The following LRP1B variants were observed in gnomAD, a reference collection of about 807,000 sequenced individuals.
The protein encoded by LRP1B is low-density lipoprotein receptor-related protein 1B.
LRP1B carries 217 observed loss-of-function variants against 556.6 expected under a neutral mutation model. That is an observed-to-expected ratio of 0.39 (90% CI 0.35 to 0.44). LRP1B has a LOEUF of 0.44. Among genes scored for constraint, LRP1B ranks in the 20% least tolerant of loss-of-function variants. The pLI, the probability that LRP1B is intolerant of heterozygous loss-of-function variation, is 1.00. For missense variants in LRP1B, 5,053 were observed against 5,620.8 expected (o/e 0.90, Z 3.23); for synonymous variants, 2,047 against 1,865.8 (o/e 1.10, Z -2.50).
In LRP1B at chr2:140,770,862, G is replaced by T. The variant is rs760529489; in HGVS notation, c.5626+19C>A. 4.6e-6 allele frequency: 7 copies of T among 1,531,464 alleles called. No individual in the cohort carries two copies. Among genetic ancestry groups the T allele is most frequent in the Non-Finnish European group, 5.2e-6 (6 of 1,146,716 alleles). The allele number at this position is 1,531,464 out of a possible 1,614,324, so 94.9% of individuals were successfully genotyped here. On this transcript the variant is annotated intron_variant, in intron 34 of 90. Coordinates refer to ENST00000389484, the MANE Select transcript of LRP1B (RefSeq NM_018557.3). ...GTGAAGTAAATGAACCAGAGGTAAG[G>T]TTTTTCATGAACTCATACCTTGACA...
chr2:140,812,553 T>G (rs948231372), intron 32 of LRP1B, among the ~76,000 whole-genome samples: 1 of 151,816 alleles, frequency 6.6e-6, no homozygotes, highest in Non-Finnish European at 1.5e-5. Flanking sequence ...TGTTTACTTA[T>G]TAACATATAC....
chr2:141,833,468 C>A (rs994824282), intron 1 of LRP1B, among the ~76,000 whole-genome samples: 1 of 151,582 alleles, frequency 6.6e-6, no homozygotes, highest in Non-Finnish European at 1.5e-5. Context: ...ATGAATATTG[C>A]AGGGAAAAGA....
At chr2:140,435,426 T>C (rs934152364) in intron 66 of LRP1B, among the ~76,000 whole-genome samples, 3 of 152,180 alleles carry the variant, frequency 2.0e-5, no homozygotes, top group African/African-American at 7.2e-5. Flanking sequence ...CCTGACTCAA[T>C]TCCTTTTAAA....
At chr2:141,161,138 A>G (rs1680015313) in intron 7 of LRP1B, among the ~76,000 whole-genome samples, 1 of 152,144 alleles carries the variant, frequency 6.6e-6, no homozygotes, top group Non-Finnish European at 1.5e-5. Flanking sequence ...CTAAAATAGA[A>G]GAAAATTAGT....
chr2:140,849,724 A>C (rs1036980571), intron 29 of LRP1B, among the ~76,000 whole-genome samples: 3 of 152,034 alleles, frequency 2.0e-5, no homozygotes, highest in African/African-American at 7.2e-5. Context: ...TTTTTAGTAG[A>C]GACAGGGTTT....
intron 3 of LRP1B, among the ~76,000 whole-genome samples, chr2:141,441,129 T>G (rs540526784): frequency 6.6e-6 from 1 of 152,276 alleles, no homozygotes; most frequent in East Asian, 1.9e-4. Context: ...TAGGCTATAG[T>G]GCAATGGTAC....
intron 21 of LRP1B, among the ~76,000 whole-genome samples, chr2:140,914,492 A>G (rs1694516595): frequency 6.6e-6 from 1 of 152,116 alleles, no homozygotes; most frequent in African/African-American, 2.4e-5. Context: ...ATGCATCGGG[A>G]AAAAATGGGT....
At chr2:140,718,650 G>T (rs990502301) in intron 35 of LRP1B, among the ~76,000 whole-genome samples, 2 of 151,842 alleles carry the variant, frequency 1.3e-5, no homozygotes, top group African/African-American at 4.8e-5. Context: ...ATTTCTCTCC[G>T]CTGTCTCGCA....
chr2:140,976,939 G>C (rs559072390), intron 18 of LRP1B, among the ~76,000 whole-genome samples: 1 of 152,262 alleles, frequency 6.6e-6, no homozygotes, highest in Non-Finnish European at 1.5e-5. Flanking sequence ...ACTATAATGA[G>C]ATACTTGGAA....
At chr2:141,158,810 C>G (rs191180888) in intron 7 of LRP1B, among the ~76,000 whole-genome samples, 1 of 152,084 alleles carries the variant, frequency 6.6e-6, no homozygotes, top group Non-Finnish European at 1.5e-5. Flanking sequence ...ATTTTGAGTG[C>G]CAGCTCCTCA....
Position 140,511,292 on chromosome 2 carries a change from C to CTTTTTT in LRP1B, c.8270-1242_8270-1237dup, listed in dbSNP as rs70985101. ...TATCAAAATACAATCCTCTAAGGGT[C>CTTTTTT]TTTTTTTTTTTTTTTTTTTTTTTTT... is the stretch of plus-strand genomic sequence containing the variant. On this transcript the variant is annotated intron_variant, in intron 51 of 90. Transcript: ENST00000389484. 6.8e-4 allele frequency among the ~76,000 whole-genome samples: 40 copies of CTTTTTT among 58,458 alleles called. 10 individuals are homozygous for CTTTTTT. Among genetic ancestry groups the CTTTTTT allele is most frequent in the African/African-American group, 2.5e-3 (36 of 14,238 alleles). The allele number at this position is 58,458 out of a possible 152,430, so 38.4% of individuals were successfully genotyped here. A position where few individuals can be genotyped will look rare whatever the true frequency, so the allele number is the denominator to read the frequency against.
At chr2:141,184,713 C>T (rs955777098) in intron 7 of LRP1B, among the ~76,000 whole-genome samples, 2 of 151,070 alleles carry the variant, frequency 1.3e-5, no homozygotes, top group African/African-American at 4.9e-5. Flanking sequence ...ATCAATATGT[C>T]TTTTATTATA....
intron 41 of LRP1B, among the ~76,000 whole-genome samples, chr2:140,636,742 A>ATAAT (rs1684083550): frequency 6.6e-6 from 1 of 152,228 alleles, no homozygotes; most frequent in African/African-American, 2.4e-5. Flanking sequence ...ACTAAAACAA[A>ATAAT]TAATATTACA....
chr2:141,400,154 A>C (rs1690398114), intron 3 of LRP1B, among the ~76,000 whole-genome samples: 1 of 152,034 alleles, frequency 6.6e-6, no homozygotes, highest in African/African-American at 2.4e-5. Flanking sequence ...CTAGTTAAAA[A>C]AAAATTGTAG....
chr2:141,000,964 T>G (rs1389396656), intron 15 of LRP1B, among the ~76,000 whole-genome samples: 2 of 151,982 alleles, frequency 1.3e-5, no homozygotes, highest in African/African-American at 4.8e-5. Flanking sequence ...ACATTTTTAA[T>G]GGAGCATAAG....
chr2:142,055,152 G>A (rs1186647114), intron 1 of LRP1B, among the ~76,000 whole-genome samples: 1 of 152,026 alleles, frequency 6.6e-6, no homozygotes, highest in African/African-American at 2.4e-5. Context: ...TAAGGGTCTA[G>A]AGGCAAACAG....
chr2:140,613,863 A>G (rs1292521074), intron 41 of LRP1B, among the ~76,000 whole-genome samples: 7 of 152,100 alleles, frequency 4.6e-5, no homozygotes, highest in Admixed American at 4.6e-4. Flanking sequence ...ATTTATTCAA[A>G]AGGCTTTACA....
intron 31 of LRP1B, among the ~76,000 whole-genome samples, chr2:140,833,795 T>C (rs1479817425): frequency 6.6e-6 from 1 of 152,296 alleles, no homozygotes; most frequent in Admixed American, 6.5e-5. Context: ...AACATGTTAG[T>C]GTACAAATTT....
intron 2 of LRP1B, among the ~76,000 whole-genome samples, chr2:141,599,002 TAAAAAAATTG>T (rs144616947): frequency 0.11 from 14,871 of 137,144 alleles, 1,248 homozygotes; most frequent in African/African-American, 0.23. Flanking sequence ...GCCAAGTCTA[TAAAAAAATTG>T]AAAAAAATTG....
Sources: allele counts gnomAD v4.1 joint callset (sites outside exome capture counted in the v4.1 genomes callset), GRCh38; gene constraint gnomAD v4.1.1; transcripts MANE v1.5; gene names NCBI Gene and HGNC (gene_info 2026-07-23, HGNC 2026-07-21).